The following SPON2 variants were observed in gnomAD, a reference collection of about 807,000 sequenced individuals.
The protein encoded by SPON2 is spondin-2.
In SPON2, 32 loss-of-function variants were observed where a neutral mutation model predicts 29.9. That is an observed-to-expected ratio of 1.07 (90% CI 0.81 to 1.44). The LOEUF (loss-of-function observed/expected upper bound fraction) is 1.44. Among genes scored for constraint, SPON2 ranks in the 40% most tolerant of loss-of-function variants. SPON2 has a pLI of 0.00. For synonymous variants in SPON2, 248 were observed against 209.1 expected (o/e 1.19, Z -1.61); for missense variants, 541 against 455.5 (o/e 1.19, Z -1.71).
chr4:1,205,477 C>T (rs750110328), intron 1 of SPON2, among the ~76,000 whole-genome samples: 2 of 152,190 alleles, frequency 1.3e-5, no homozygotes, highest in Non-Finnish European at 2.9e-5. Context: ...CAGGGAGAGC[C>T]GTGCCCAGCA....
intron 1 of SPON2, among the ~76,000 whole-genome samples, chr4:1,184,738 G>C (rs1727760786): frequency 6.6e-6 from 1 of 152,006 alleles, no homozygotes; most frequent in South Asian, 2.1e-4. Context: ...TTCATGACCA[G>C]TCTGGTCAAC....
chr4:1,185,169 G>A (rs541467649), intron 1 of SPON2, among the ~76,000 whole-genome samples: 1 of 151,500 alleles, frequency 6.6e-6, no homozygotes, highest in East Asian at 2.1e-4. Context: ...CGTCTCCTGG[G>A]TTCAAGCAAT....
At chr4:1,207,611 A>G in intron 1 of SPON2, among the ~76,000 whole-genome samples, 1 of 130,428 alleles carries the variant, frequency 7.7e-6, no homozygotes, top group Non-Finnish European at 1.6e-5. Context: ...CTGCCTAACC[A>G]TGCGCCGCGC....
chr4:1,172,123 C>T, intron 1 of SPON2, 49 bp from the exon 2 acceptor site: 1 of 1,550,590 alleles, frequency 6.4e-7, no homozygotes, highest in Non-Finnish European at 8.8e-7. Context: ...TCGTGGCAGC[C>T]TCGGGGTGGA....
intron 5 of SPON2, chr4:1,170,152 T>C: frequency 4.2e-6 from 2 of 478,696 alleles, no homozygotes; most frequent in Non-Finnish European, 7.4e-6. Context: ...TCAGGTACTG[T>C]CTGGAGCCTC....
chr4:1,171,242 C>T, intron 3 of SPON2, 21 bp downstream of exon 3: 6 of 1,430,344 alleles, frequency 4.2e-6, no homozygotes, highest in Non-Finnish European at 5.4e-6. Flanking sequence ...GGACCCCGCC[C>T]CCGGCCGGCC....
intron 5 of SPON2, 66 bp from the exon 6 acceptor site, chr4:1,167,722 G>A: frequency 1.3e-6 from 2 of 1,498,384 alleles, no homozygotes; most frequent in Admixed American, 2.1e-5. Flanking sequence ...ACAAACGGAA[G>A]CCACCTCCCA....
intron 1 of SPON2, among the ~76,000 whole-genome samples, chr4:1,193,573 C>G (rs1364369893): frequency 7.3e-6 from 1 of 136,968 alleles, no homozygotes; most frequent in Non-Finnish European, 1.6e-5. Flanking sequence ...TCCCGTAGGA[C>G]CTGCCGCTGA....
rs540716637 is a variant in SPON2 at position 1,202,038 on chromosome 4, C to G, written c.-234+5842G>C. 1.5e-4 allele frequency among the ~76,000 whole-genome samples: 23 copies of G among 152,356 alleles called. No individual in the cohort carries two copies. Among genetic ancestry groups the G allele is most frequent in the African/African-American group, 5.3e-4 (22 of 41,584 alleles). On this transcript the variant is annotated intron_variant, in intron 1 of 3. Transcript: ENST00000509233. This position sits in a 1 kb window ranked among gnomAD's most constrained non-coding sequence, Gnocchi z 5.4. The stretch of plus-strand genomic sequence containing the variant: ...TCACGAAGTTGTGCAACCATCCCCA[C>G]TCATCTCACTCCGGAACACGTTCAT...
At chr4:1,188,400 A>C (rs1398479185) in intron 1 of SPON2, among the ~76,000 whole-genome samples, 2 of 152,160 alleles carry the variant, frequency 1.3e-5, no homozygotes, top group African/African-American at 4.8e-5. Flanking sequence ...ATGTTAATTA[A>C]ACACTCCAGT....
At chr4:1,181,716 G>A (rs567406021) in intron 1 of SPON2, among the ~76,000 whole-genome samples, 3 of 152,200 alleles carry the variant, frequency 2.0e-5, no homozygotes, top group Non-Finnish European at 4.4e-5. Context: ...ACATGTTCCT[G>A]TAGCAGTTTA....
rs1204622096 is a variant in SPON2, at chr4:1,167,492, C to T, written c.976G>A (p.Val326Ile). Residue 326 changes from valine to isoleucine, a missense_variant, in exon 6 of 6, where the codon GTC becomes ATC. Physicochemically the swap from Val to Ile is conservative, Grantham distance 29. Coordinates refer to ENST00000290902, the MANE Select transcript of SPON2 (RefSeq NM_012445.4). ...TGGTCTTAGACGCAGTTATCAGGGA[C>T]GCACTCAGCCTCTTCTTCGAGCTCG... Reference protein sequence around the residue: ...CPELEEEAECVPDNCV With the variant: ...CPELEEEAECIPDNCV The T allele has an allele frequency of 9.3e-6, 15 of 1,613,310 alleles. No homozygotes were observed. Among genetic ancestry groups the T allele is most frequent in the Non-Finnish European group, 1.2e-5 (14 of 1,179,836 alleles).
At chr4:1,196,839 C>T (rs1205624679), upstream of SPON2, 1 of 152,260 alleles carries the variant, frequency 6.6e-6, no homozygotes, top group Non-Finnish European at 1.5e-5. Context: ...CATCCATACT[C>T]ATTATCCAGA....
At chr4:1,180,264 G>C (rs940020701) in intron 1 of SPON2, among the ~76,000 whole-genome samples, 6 of 152,288 alleles carry the variant, frequency 3.9e-5, no homozygotes, top group Admixed American at 3.9e-4. Flanking sequence ...GGCCTTTAAG[G>C]AAATCTCTGT....
chr4:1,195,780 G>A (rs1156369653), upstream of SPON2, among the ~76,000 whole-genome samples: 1 of 151,932 alleles, frequency 6.6e-6, no homozygotes, highest in Non-Finnish European at 1.5e-5. Flanking sequence ...GGGACTACAG[G>A]TGTGCACTAC....
upstream of SPON2, among the ~76,000 whole-genome samples, chr4:1,198,493 G>C (rs1576998330): frequency 6.6e-6 from 1 of 152,286 alleles, no homozygotes; most frequent in South Asian, 2.1e-4. Context: ...GGAACAAAAA[G>C]AGAAAACCAT....
rs1727421523 is a variant in SPON2, at chr4:1,171,069, G to A, written c.566C>T (p.Ala189Val). The A allele has an allele frequency of 6.5e-7, 1 of 1,549,952 alleles. No individual in the cohort carries two copies. The highest frequency in any genetic ancestry group is 8.7e-7 in the Non-Finnish European group (1 of 1,146,496). ...GAAGGTGAAGCCGCTGTCCGTCCCG[G>A]CGTCGTAGGGGTACAGGTCCAGCGC... ...QAALDLYPYDAGTDSGFTFSS... is the reference protein window; with the variant it reads ...QAALDLYPYDVGTDSGFTFSS... The change falls in exon 4 of 6, where the codon GCC becomes GTC. Residue 189 changes from alanine to valine, a missense_variant. By Grantham distance (64) the Ala-to-Val change is moderately conservative (BLOSUM62 0). Transcript: ENST00000290902.
At chr4:1,186,998 C>A (rs1727819100) in intron 1 of SPON2, among the ~76,000 whole-genome samples, 1 of 152,198 alleles carries the variant, frequency 6.6e-6, no homozygotes, top group African/African-American at 2.4e-5. Context: ...AATAGAATGA[C>A]TGTATGATCC....
chr4:1,168,358 C>G (rs538389439), intron 5 of SPON2, among the ~76,000 whole-genome samples: 4 of 152,350 alleles, frequency 2.6e-5, no homozygotes, highest in Non-Finnish European at 5.9e-5. Flanking sequence ...CACGGGAGGA[C>G]AGTCAGCAAG....
Sources: gnomAD v4.1 joint callset for allele counts (sites outside exome capture counted in the v4.1 genomes callset) on GRCh38, gnomAD v4.1.1 for gene constraint, Gnocchi (gnomAD v3.1) non-coding constraint, MANE v1.5 for transcripts, NCBI Gene and HGNC (gene_info 2026-07-23, HGNC 2026-07-21) for gene names.